FZD6: variants seen among roughly 807,000 people sequenced by gnomAD.
The protein encoded by FZD6 is frizzled class receptor 6.
In FZD6, 49 loss-of-function variants were observed where a neutral mutation model predicts 61.4. The observed-to-expected ratio is 0.80, with a 90% confidence interval of 0.63 to 1.01. The LOEUF (loss-of-function observed/expected upper bound fraction) is 1.01. FZD6 is among the 50% of genes least tolerant of loss of function. FZD6 has a pLI of 0.00. For synonymous variants in FZD6, 265 were observed against 292.2 expected (o/e 0.91, Z 0.95); for missense variants, 724 against 848.2 (o/e 0.85, Z 1.82).
chr8:103,301,227 C>T (rs1046125919), intron 2 of FZD6, among the ~76,000 whole-genome samples: 1 of 152,076 alleles, frequency 6.6e-6, no homozygotes, highest in Admixed American at 6.6e-5. Flanking sequence ...ATTGTGGACT[C>T]ATGTCTGGAA....
Position 103,325,430 on chromosome 8 carries a change from A to T in FZD6, c.1324A>T (p.Arg442Trp), listed in dbSNP as rs753974488. The T allele has an allele frequency of 6.2e-7, 1 of 1,613,770 alleles. No homozygotes were observed. Among genetic ancestry groups the T allele is most frequent in the South Asian group, 1.1e-5 (1 of 91,074 alleles). Reference protein sequence around the residue: ...LGCYVYEQVNRITWEITWVSD... With the variant: ...LGCYVYEQVNWITWEITWVSD... ...ATGTTACGTCTATGAGCAAGTGAAC[A>T]GGATTACCTGGGAGATAACTTGGGT... Residue 442 changes from arginine to tryptophan, a missense_variant, in exon 4 of 7, where the codon AGG becomes TGG. Coordinates refer to ENST00000358755, the MANE Select transcript of FZD6 (RefSeq NM_003506.4).
intron 5 of FZD6, 85 bp from the exon 6 acceptor site, chr8:103,329,570 A>C (rs1050261857): frequency 9.9e-7 from 1 of 1,014,228 alleles, no homozygotes; most frequent in Non-Finnish European, 1.5e-6. Flanking sequence ...GATTTTTGGC[A>C]AAAGATATGT....
intron 2 of FZD6, among the ~76,000 whole-genome samples, chr8:103,303,579 A>G (rs556121933): frequency 5.3e-5 from 8 of 152,214 alleles, no homozygotes; most frequent in Non-Finnish European, 8.8e-5. Context: ...TAGAGGCTAC[A>G]TAAAAGCTAA....
intron 3 of FZD6, among the ~76,000 whole-genome samples, chr8:103,319,603 C>T (rs938114187): frequency 6.6e-6 from 1 of 152,186 alleles, no homozygotes; most frequent in African/African-American, 2.4e-5. Flanking sequence ...GTAGAGAACT[C>T]ACGCCTTTTC....
intron 2 of FZD6, among the ~76,000 whole-genome samples, chr8:103,304,350 T>C (rs1472386981): frequency 6.6e-6 from 1 of 152,244 alleles, no homozygotes; most frequent in African/African-American, 2.4e-5. Flanking sequence ...TCTTAAACTT[T>C]AGTTCATAGA....
rs1021765095 is a variant in FZD6 at position 103,329,752 on chromosome 8, A to G, written c.1639A>G (p.Ser547Gly). ...VKHKKKHYKP[S>G]SHKLKVISKS... ...ACACAAAAAGAAGCACTATAAACCA[A>G]GTTCACACAAGCTGAAGGTCATTTC... Residue 547 changes from serine to glycine, a missense_variant, in exon 6 of 7, where the codon AGT (serine) becomes GGT (glycine). Physicochemically the swap from Ser to Gly is moderately conservative, Grantham distance 56. Transcript: ENST00000358755. The G allele has an allele frequency of 3.7e-6, 6 of 1,613,778 alleles. No homozygotes were observed. Among genetic ancestry groups the G allele is most frequent in the Non-Finnish European group, 4.2e-6 (5 of 1,179,700 alleles).
At chr8:103,318,850 A>G (rs1285434217) in intron 3 of FZD6, 64 bp downstream of exon 3, 1 of 901,700 alleles carries the variant, frequency 1.1e-6, no homozygotes, top group African/African-American at 1.6e-5. Context: ...GCTCTCTGGG[A>G]TGTTAGTGAG....
chr8:103,308,726 T>G (rs1314105572), intron 2 of FZD6, among the ~76,000 whole-genome samples: 2 of 152,202 alleles, frequency 1.3e-5, no homozygotes, highest in African/African-American at 4.8e-5. Flanking sequence ...TCCAGCCACT[T>G]GAAGATGGAA....
Position 103,324,468 on chromosome 8 carries a change from A to G in FZD6, c.375-13A>G, listed in dbSNP as rs1458175769. The G allele has an allele frequency of 7.0e-7, 1 of 1,421,752 alleles. No homozygotes were observed. The highest frequency in any genetic ancestry group is 1.4e-5 in the African/African-American group (1 of 69,580). The allele number at this position is 1,421,752 out of a possible 1,614,324, so 88.1% of individuals were successfully genotyped here. On this transcript the variant is annotated splice_polypyrimidine_tract_variant and intron_variant, in intron 3 of 6. Coordinates refer to ENST00000358755, the MANE Select transcript of FZD6 (RefSeq NM_003506.4). ...TGTTGATTTCATATATTTAATTTTTATAATCTTTACAGATTACAATACTGT... is the reference window on the plus strand; with the variant it reads ...TGTTGATTTCATATATTTAATTTTTGTAATCTTTACAGATTACAATACTGT...
rs1023767235 is a variant in FZD6, at chr8:103,309,683, T to G, written c.178-8907T>G. On this transcript the variant is annotated intron_variant, in intron 2 of 6. Transcript: ENST00000358755. ...TATTTTAGGTGTACATACATGGACT[T>G]GGAAAATTGCAGTGGGTTGGATTTA... Among the ~76,000 whole-genome samples, 11 of 152,182 alleles carry G rather than the reference T, an allele frequency of 7.2e-5. No individual in the cohort carries two copies. The East Asian group carries it at 2.1e-3, about 29-fold the overall frequency.
At chr8:103,316,695 T>A (rs1035645354) in intron 2 of FZD6, among the ~76,000 whole-genome samples, 1 of 152,242 alleles carries the variant, frequency 6.6e-6, no homozygotes, top group African/African-American at 2.4e-5. Context: ...CATTTTCTTC[T>A]AGCTTCTGAT....
chr8:103,299,770 G>C lies in FZD6; in HGVS notation c.-152-186G>C, dbSNP rs1254278279. On this transcript the variant is annotated intron_variant, in intron 1 of 6. Transcript: ENST00000358755. ...ACCTCCTAGCATCGGTTTCCTAGAGGTGCAGCTTCCTTAGCAAATGATATA... is the reference window on the plus strand; with the variant it reads ...ACCTCCTAGCATCGGTTTCCTAGAGCTGCAGCTTCCTTAGCAAATGATATA... Among the ~76,000 whole-genome samples, 5 of 152,118 alleles carry C rather than the reference G, an allele frequency of 3.3e-5. No individual in the cohort carries two copies. The East Asian group carries it at 9.6e-4, about 29-fold the overall frequency.
intron 4 of FZD6, among the ~76,000 whole-genome samples, chr8:103,325,759 AAT>A (rs1326166477): frequency 1.3e-5 from 2 of 152,238 alleles, no homozygotes; most frequent in Non-Finnish European, 2.9e-5. Context: ...GATTAATAGC[AAT>A]AAAGAGCAGA....
intron 2 of FZD6, among the ~76,000 whole-genome samples, chr8:103,302,158 A>G (rs1486775490): frequency 6.6e-6 from 1 of 152,196 alleles, no homozygotes; most frequent in African/African-American, 2.4e-5. Context: ...GAGAAATGAA[A>G]AGGCAAAAAT....
chr8:103,300,869 TG>T (rs1435136889), intron 2 of FZD6, among the ~76,000 whole-genome samples: 2 of 152,220 alleles, frequency 1.3e-5, no homozygotes, highest in African/African-American at 4.8e-5. Context: ...AGGAGTACAG[TG>T]ACACTAAAGA....
At chr8:103,320,761 G>T (rs894393574) in intron 3 of FZD6, among the ~76,000 whole-genome samples, 9 of 152,052 alleles carry the variant, frequency 5.9e-5, no homozygotes, top group African/African-American at 2.2e-4. Context: ...TGCGGGTTAG[G>T]GATAGTCATT....
chr8:103,324,704 AG>A lies in FZD6; in HGVS notation c.599del (p.Ser200IlefsTer22). 1 of 1,614,094 alleles carries A rather than the reference AG, an allele frequency of 6.2e-7. No homozygotes were observed. Among genetic ancestry groups the A allele is most frequent in the Middle Eastern group, 1.6e-4 (1 of 6,062 alleles). On this transcript the variant is annotated frameshift_variant, in exon 4 of 7. Transcript: ENST00000358755. LOFTEE classifies it high-confidence loss of function. ...FKSDELEFAKSFIGTVSIFCL... is the reference protein window; with the variant it reads ...FKSDELEFAKXFIGTVSIFCL... Reference sequence around the variant, plus strand: ...AAGTGATGAGCTAGAGTTTGCAAAAAGTTTTATTGGAACAGTTTCAATATTT... The same window carrying A: ...AAGTGATGAGCTAGAGTTTGCAAAAATTTTATTGGAACAGTTTCAATATTT...
chr8:103,303,285 A>C (rs1814223660), intron 2 of FZD6, among the ~76,000 whole-genome samples: 1 of 152,074 alleles, frequency 6.6e-6, no homozygotes, highest in East Asian at 1.9e-4. Context: ...CACACACTCT[A>C]TCCTCTGGTG....
chr8:103,318,382 GAAT>G (rs1814689247), intron 2 of FZD6, among the ~76,000 whole-genome samples: 1 of 152,138 alleles, frequency 6.6e-6, no homozygotes, highest in South Asian at 2.1e-4. Flanking sequence ...GATTTCACTG[GAAT>G]AATCCATGTC....
Sources: gnomAD v4.1 joint callset for allele counts (sites outside exome capture counted in the v4.1 genomes callset) on GRCh38, gnomAD v4.1.1 for gene constraint, MANE v1.5 for transcripts, NCBI Gene and HGNC (gene_info 2026-07-23, HGNC 2026-07-21) for gene names.